Variants in KCTD1 observed in about 807,000 individuals in gnomAD.
KCTD1 encodes BTB/POZ domain-containing protein KCTD1.
KCTD1 carries 24 observed loss-of-function variants against 66.0 expected under a neutral mutation model. That is an observed-to-expected ratio of 0.36 (90% CI 0.26 to 0.51). The LOEUF is 0.51. Among genes scored for constraint, KCTD1 ranks in the 20% least tolerant of loss-of-function variants. The pLI is 0.95. For synonymous variants in KCTD1, 511 were observed against 517.2 expected, an observed-to-expected ratio of 0.99 and a Z score of 0.16; for missense variants, 943 against 1,205.2, an observed-to-expected ratio of 0.78 and a Z score of 3.22.
intron 1 of KCTD1, among the ~76,000 whole-genome samples, chr18:26,583,075 A>T (rs1031978677): frequency 1.8e-5 from 2 of 109,438 alleles, no homozygotes; most frequent in Admixed American, 9.1e-5. Flanking sequence ...ATGGTAATTT[A>T]AAAAAAATAT....
intron 1 of KCTD1, among the ~76,000 whole-genome samples, chr18:26,651,071 G>C (rs1988022190): frequency 6.6e-6 from 1 of 152,196 alleles, no homozygotes; most frequent in Admixed American, 6.5e-5. Flanking sequence ...CACATGTTCT[G>C]ATCACAACAA....
At chr18:26,550,938 C>A (rs904969954), upstream of KCTD1, among the ~76,000 whole-genome samples, 7 of 152,212 alleles carry the variant, frequency 4.6e-5, no homozygotes, top group African/African-American at 1.7e-4. This position sits in a 1 kb window ranked among gnomAD's most constrained non-coding sequence, Gnocchi z 5.4. Context: ...GCTGTTCCCC[C>A]GCGACCCTCG....
At chr18:26,624,891 T>C (rs1287334586) in intron 1 of KCTD1, among the ~76,000 whole-genome samples, 1 of 152,174 alleles carries the variant, frequency 6.6e-6, no homozygotes, top group Non-Finnish European at 1.5e-5. Flanking sequence ...TGCAAAGCCA[T>C]AGGGGTAGAG....
At chr18:26,506,712 G>C (rs1983056671) in intron 1 of KCTD1, among the ~76,000 whole-genome samples, 1 of 152,096 alleles carries the variant, frequency 6.6e-6, no homozygotes, top group African/African-American at 2.4e-5. Context: ...GAAAGGTTGG[G>C]AGCTAAGACC....
intron 1 of KCTD1, among the ~76,000 whole-genome samples, chr18:26,603,499 G>A (rs1403149823): frequency 1.3e-5 from 2 of 151,324 alleles, no homozygotes; most frequent in African/African-American, 2.4e-5. Context: ...CCAGCACTTT[G>A]GGAGGCCGAG....
chr18:26,624,218 A>G (rs1467139024), intron 1 of KCTD1, among the ~76,000 whole-genome samples: 1 of 152,154 alleles, frequency 6.6e-6, no homozygotes, highest in African/African-American at 2.4e-5. Flanking sequence ...AGAAAACCCC[A>G]TTTTCTGGGG....
intron 1 of KCTD1, among the ~76,000 whole-genome samples, chr18:26,597,279 G>C (rs1986788226): frequency 6.6e-6 from 1 of 152,038 alleles, no homozygotes; most frequent in Admixed American, 6.6e-5. Flanking sequence ...GTGGGCTGCT[G>C]GGGCCTGAGC....
intron 1 of KCTD1, among the ~76,000 whole-genome samples, chr18:26,656,685 C>T (rs1988152492): frequency 6.6e-6 from 1 of 151,368 alleles, no homozygotes; most frequent in Non-Finnish European, 1.5e-5. Context: ...CGTCCGGGGG[C>T]GCCGCCGAGG....
chr18:26,487,123 T>A (rs916285845), intron 2 of KCTD1, among the ~76,000 whole-genome samples: 1 of 152,186 alleles, frequency 6.6e-6, no homozygotes, highest in Non-Finnish European at 1.5e-5. Context: ...ATTGATGGTA[T>A]CAGTCAACGG....
intron 1 of KCTD1, among the ~76,000 whole-genome samples, chr18:26,563,509 C>G (rs1985910792): frequency 6.6e-6 from 1 of 152,212 alleles, no homozygotes; most frequent in East Asian, 1.9e-4. Context: ...CTCAACAACT[C>G]AACTCCCAGA....
At chr18:26,501,441 C>T (rs1233377533) in intron 1 of KCTD1, among the ~76,000 whole-genome samples, 191 bp from the exon 2 acceptor site, 1 of 152,196 alleles carries the variant, frequency 6.6e-6, no homozygotes, top group African/African-American at 2.4e-5. Flanking sequence ...AAAAGGAAAT[C>T]TTCACATGCT....
intron 1 of KCTD1, among the ~76,000 whole-genome samples, chr18:26,503,772 T>C (rs545517729): frequency 3.4e-5 from 5 of 145,016 alleles, no homozygotes; most frequent in South Asian, 2.2e-4. Flanking sequence ...TCAGAATATA[T>C]ACCATTTACA....
chr18:26,548,385 C>T lies in KCTD1; in HGVS notation c.152G>A (p.Cys51Tyr). The T allele has an allele frequency of 6.8e-7, 1 of 1,464,264 alleles. No homozygotes were observed. The highest frequency in any genetic ancestry group is 9.0e-7 in the Non-Finnish European group (1 of 1,107,512). The allele number at this position is 1,464,264 out of a possible 1,614,324, so 90.7% of individuals were successfully genotyped here. A position where few individuals can be genotyped will look rare whatever the true frequency, so the allele number is the denominator to read the frequency against. ...TTCCTCCTCCTCCTCGCCCGCGCTG[C>T]AGTAGTGCGGACGGCTGTGGCGGCG... Reference protein sequence around the residue: ...RGRRHSRPHYCSAGEEEEEEE... With the variant: ...RGRRHSRPHYYSAGEEEEEEE... The change falls in exon 1 of 5, where the codon TGC becomes TAC. Residue 51 changes from cysteine to tyrosine, a missense_variant. Cys to Tyr is a radical substitution (Grantham distance 194, BLOSUM62 -2). Coordinates refer to ENST00000580059, the MANE Select transcript of KCTD1 (RefSeq NM_001142730.3).
intron 2 of KCTD1, among the ~76,000 whole-genome samples, chr18:26,490,607 T>C (rs1312419553): frequency 1.3e-5 from 2 of 152,152 alleles, no homozygotes; most frequent in Non-Finnish European, 2.9e-5. Flanking sequence ...TGCCCTGGGG[T>C]GGCTGAGTTG....
chr18:26,464,993 G>T (rs917688283), intron 3 of KCTD1, among the ~76,000 whole-genome samples: 33 of 152,208 alleles, frequency 2.2e-4, no homozygotes, highest in Non-Finnish European at 4.7e-4. Flanking sequence ...TCTTGTCGGG[G>T]ATGGAGGTTG....
At chr18:26,494,172 C>A (rs1982349868) in intron 2 of KCTD1, among the ~76,000 whole-genome samples, 3 of 152,232 alleles carry the variant, frequency 2.0e-5, no homozygotes, top group South Asian at 4.2e-4. Flanking sequence ...GAGTTTGAGA[C>A]CAGCCCTGGC....
Position 26,476,675 on chromosome 18 carries a change from G to A in KCTD1, c.1989-16C>T. The stretch of plus-strand genomic sequence containing the variant: ...TCTTCCGATTCTGTGATAGAAAAGA[G>A]GGAACAGTGAAGACAATTAGATCAA... On this transcript the variant is annotated splice_polypyrimidine_tract_variant and intron_variant, in intron 2 of 4. Coordinates refer to ENST00000580059, the MANE Select transcript of KCTD1 (RefSeq NM_001142730.3). The surrounding 1 kb of genome is among the most constrained non-coding windows in gnomAD (Gnocchi z 4.9). 1 of 1,610,270 alleles carries A rather than the reference G, an allele frequency of 6.2e-7. No homozygotes were observed. The highest frequency in any genetic ancestry group is 8.5e-7 in the Non-Finnish European group (1 of 1,178,524).
upstream of KCTD1, chr18:26,548,591 A>T: frequency 8.4e-7 from 1 of 1,196,206 alleles, no homozygotes; most frequent in Non-Finnish European, 1.0e-6. Context: ...ATTGGACCGC[A>T]GCGCTGAGAG....
intron 1 of KCTD1, among the ~76,000 whole-genome samples, chr18:26,655,375 G>A (rs539795968): frequency 2.4e-4 from 36 of 152,208 alleles, no homozygotes; most frequent in Admixed American, 2.0e-4. Context: ...ATTGAAAACA[G>A]AAGGCAAACG....
Sources: gnomAD v4.1 joint callset for allele counts (sites outside exome capture counted in the v4.1 genomes callset) on GRCh38, gnomAD v4.1.1 for gene constraint, Gnocchi (gnomAD v3.1) non-coding constraint, MANE v1.5 for transcripts, NCBI Gene and HGNC (gene_info 2026-07-23, HGNC 2026-07-21) for gene names.